ADAM22: variants seen among roughly 807,000 people sequenced by gnomAD.
ADAM22 encodes the protein disintegrin and metalloproteinase domain-containing protein 22.
Under a neutral mutation model 144.6 loss-of-function variants are expected in ADAM22, and 65 were observed. The observed-to-expected ratio is 0.45, with a 90% CI of 0.37 to 0.55. ADAM22 has a LOEUF of 0.55. ADAM22 is among the 20% of genes least tolerant of loss of function. ADAM22 has a pLI of 0.00. For synonymous variants in ADAM22, 391 were observed against 412.6 expected (o/e 0.95, Z 0.63); for missense variants, 974 against 1,184.9 (o/e 0.82, Z 2.61).
At chr7:88,061,045 A>G (rs534468022) in intron 3 of ADAM22, among the ~76,000 whole-genome samples, 9 of 152,168 alleles carry the variant, frequency 5.9e-5, no homozygotes, top group African/African-American at 1.9e-4. Flanking sequence ...CAAAGGTTGC[A>G]GTGAGCTGAG....
chr7:87,978,928 G>T (rs1159993042), intron 3 of ADAM22, among the ~76,000 whole-genome samples: 1 of 152,176 alleles, frequency 6.6e-6, no homozygotes, highest in Non-Finnish European at 1.5e-5. Context: ...AGAAATAGTT[G>T]TCTATCTAGA....
At chr7:88,000,989 T>A (rs1050586033) in intron 3 of ADAM22, among the ~76,000 whole-genome samples, 1 of 152,222 alleles carries the variant, frequency 6.6e-6, no homozygotes, top group Non-Finnish European at 1.5e-5. Context: ...GCTCAGGCAC[T>A]ATGATTGCAT....
At chr7:88,163,275 A>G in intron 23 of ADAM22, 95 bp downstream of exon 23, 1 of 1,029,854 alleles carries the variant, frequency 9.7e-7, no homozygotes, top group South Asian at 2.5e-5. Flanking sequence ...ATGGAAAAAA[A>G]TGATTTTTCA....
In ADAM22 at chr7:88,186,720, T is replaced by A. The variant is rs1380130451; in HGVS notation, c.2750+19T>A. On this transcript the variant is annotated intron_variant, in intron 30 of 31. Transcript: ENST00000413139. ...ACTTTAGGTATTTTATAAATTAATT[T>A]TTATATCCTTCTCAAACTCTCCCAG... 1.4e-6 allele frequency: 2 copies of A among 1,455,830 alleles called. No homozygotes were observed. The highest frequency in any genetic ancestry group is 2.8e-5 in the African/African-American group (2 of 71,398). The allele number at this position is 1,455,830 out of a possible 1,614,324, so 90.2% of individuals were successfully genotyped here. A position where few individuals can be genotyped will look rare whatever the true frequency, so the allele number is the denominator to read the frequency against.
intron 2 of ADAM22, among the ~76,000 whole-genome samples, chr7:87,941,456 C>T (rs956304429): frequency 6.6e-6 from 1 of 152,006 alleles, no homozygotes; most frequent in Non-Finnish European, 1.5e-5. Context: ...GAAAATGGCT[C>T]CTAGGAATTA....
intron 25 of ADAM22, 111 bp downstream of exon 25, chr7:88,168,338 A>T: frequency 9.1e-7 from 1 of 1,102,280 alleles, no homozygotes; most frequent in Non-Finnish European, 1.4e-6. Flanking sequence ...CTTGCAATGA[A>T]AATCAGCTTG....
In ADAM22 at chr7:88,187,667, T is replaced by C. The variant is rs200853086; in HGVS notation, c.2750+966T>C. On this transcript the variant is annotated intron_variant, in intron 30 of 31. Coordinates refer to ENST00000413139, the MANE Select transcript of ADAM22 (RefSeq NM_001324418.2). ...ACCTCTTCTGAACACAATTTTACAA[T>C]AAACTTTCATGTTACTGATTGCCAT... is the stretch of plus-strand genomic sequence containing the variant. 3.3e-5 allele frequency among the ~76,000 whole-genome samples: 5 copies of C among 152,222 alleles called. No individual in the cohort carries two copies. The East Asian group carries it at 9.6e-4, about 29-fold the overall frequency.
chr7:88,154,834 TG>T (rs1220289081), intron 21 of ADAM22, among the ~76,000 whole-genome samples: 11 of 152,190 alleles, frequency 7.2e-5, no homozygotes, highest in Non-Finnish European at 1.5e-4. Flanking sequence ...TTTTCTATGT[TG>T]GTGAAAAATA....
intron 17 of ADAM22, among the ~76,000 whole-genome samples, chr7:88,147,124 A>G (rs1010782225): frequency 1.3e-5 from 2 of 152,262 alleles, no homozygotes; most frequent in African/African-American, 4.8e-5. Context: ...GTAGAAAATA[A>G]TACTATTAAA....
intron 23 of ADAM22, among the ~76,000 whole-genome samples, chr7:88,164,989 A>C (rs1842623836): frequency 6.6e-6 from 1 of 152,010 alleles, no homozygotes; most frequent in Non-Finnish European, 1.5e-5. Context: ...GCTCTGATTG[A>C]GGCTGTGTTA....
intron 3 of ADAM22, among the ~76,000 whole-genome samples, chr7:87,979,528 A>G (rs947400157): frequency 6.6e-6 from 1 of 152,144 alleles, no homozygotes; most frequent in African/African-American, 2.4e-5. Flanking sequence ...TTCTTATGAC[A>G]TTGCCATTTT....
intron 4 of ADAM22, among the ~76,000 whole-genome samples, chr7:88,088,192 C>T (rs965884673): frequency 2.0e-5 from 3 of 152,050 alleles, no homozygotes; most frequent in Non-Finnish European, 4.4e-5. Context: ...CTGAAAATGG[C>T]CACTATCATC....
In ADAM22 at chr7:88,005,918, CA is replaced by C. The variant is rs557430819; in HGVS notation, c.323+27511del. On this transcript the variant is annotated intron_variant, in intron 3 of 31. Coordinates refer to ENST00000413139, the MANE Select transcript of ADAM22 (RefSeq NM_001324418.2). ...ACCTACATATATAACATAAATACCA[CA>C]AAAACCTAGAAATATAACATTTAAA... 3.9e-5 allele frequency among the ~76,000 whole-genome samples: 6 copies of C among 152,096 alleles called. No individual in the cohort carries two copies. The South Asian group carries it at 1.2e-3, about 32-fold the overall frequency.
intron 4 of ADAM22, among the ~76,000 whole-genome samples, chr7:88,080,449 G>C (rs1185520056): frequency 2.6e-5 from 4 of 152,086 alleles, no homozygotes; most frequent in Admixed American, 2.0e-4. Context: ...AGAAAAGCAA[G>C]AGTAAACACA....
intron 15 of ADAM22, 44 bp downstream of exon 15, chr7:88,143,169 C>T (rs2129521149): frequency 3.8e-6 from 5 of 1,318,044 alleles, no homozygotes; most frequent in East Asian, 4.6e-5. Context: ...AATTATCAAC[C>T]TTTCTAAAAT....
At chr7:87,941,842 A>G (rs779729367) in intron 2 of ADAM22, among the ~76,000 whole-genome samples, 1 of 152,214 alleles carries the variant, frequency 6.6e-6, no homozygotes, top group Non-Finnish European at 1.5e-5. Context: ...CTAACTATGA[A>G]TGACTCTAAG....
chr7:88,192,754 T>C (rs1174615447), intron 30 of ADAM22, among the ~76,000 whole-genome samples: 3 of 152,190 alleles, frequency 2.0e-5, no homozygotes, highest in East Asian at 1.9e-4. Context: ...TGGTTAAAAA[T>C]AAGGCACAAT....
At chr7:88,158,771 C>A (rs1395861822) in intron 22 of ADAM22, among the ~76,000 whole-genome samples, 2 of 151,864 alleles carry the variant, frequency 1.3e-5, no homozygotes, top group African/African-American at 4.8e-5. Flanking sequence ...GTTAAGAGGG[C>A]AATTTATAGC....
chr7:88,160,440 C>T (rs141693252), intron 22 of ADAM22, among the ~76,000 whole-genome samples: 5 of 152,198 alleles, frequency 3.3e-5, no homozygotes, highest in South Asian at 2.1e-4. Flanking sequence ...GGAGGTATCA[C>T]GTTGCTCAAC....
Sources: allele counts gnomAD v4.1 joint callset (sites outside exome capture counted in the v4.1 genomes callset), GRCh38; gene constraint gnomAD v4.1.1; transcripts MANE v1.5; gene names NCBI Gene and HGNC (gene_info 2026-07-23, HGNC 2026-07-21).